BMPR1A: variants seen among roughly 807,000 people sequenced by gnomAD.
BMPR1A encodes bone morphogenetic protein receptor type 1A.
BMPR1A carries 7 observed loss-of-function variants against 66.0 expected under a neutral mutation model. The ratio of observed to expected loss-of-function variants is 0.11; its 90% confidence interval spans 0.06 to 0.20. BMPR1A has a LOEUF of 0.20. Ranked by LOEUF, BMPR1A falls within the 10% of genes least tolerant of loss-of-function variation. BMPR1A has a pLI of 1.00. For synonymous variants in BMPR1A, 200 were observed against 229.7 expected (o/e 0.87, Z 1.17); for missense variants, 408 against 669.1 (o/e 0.61, Z 4.31).
At chr10:86,858,872 G>A (rs547572492) in intron 2 of BMPR1A, among the ~76,000 whole-genome samples, 1 of 152,214 alleles carries the variant, frequency 6.6e-6, no homozygotes, top group South Asian at 2.1e-4. Context: ...TAGATTCAAT[G>A]CAATCCCTAT....
At chr10:86,892,794 C>G (rs1188506820) in intron 5 of BMPR1A, among the ~76,000 whole-genome samples, 2 of 151,058 alleles carry the variant, frequency 1.3e-5, no homozygotes, top group East Asian at 1.9e-4. Flanking sequence ...GCCGGGGAGG[C>G]CAAGGTTGCA....
intron 1 of BMPR1A, among the ~76,000 whole-genome samples, chr10:86,828,964 A>G (rs914023548): frequency 8.5e-5 from 13 of 152,176 alleles, no homozygotes; most frequent in Non-Finnish European, 1.3e-4. Context: ...TTGCAAAAGA[A>G]CATAGAGCTG....
intron 3 of BMPR1A, among the ~76,000 whole-genome samples, chr10:86,882,597 T>A (rs909476773): frequency 6.6e-6 from 1 of 150,716 alleles, no homozygotes; most frequent in South Asian, 2.1e-4. Flanking sequence ...TGGGGCTCAA[T>A]TTTTTTTTGG....
At chr10:86,826,848 A>G (rs1457804808) in intron 1 of BMPR1A, among the ~76,000 whole-genome samples, 1 of 152,128 alleles carries the variant, frequency 6.6e-6, no homozygotes, top group African/African-American at 2.4e-5. Context: ...AAAGTGCTAT[A>G]ATAGACATTT....
intron 1 of BMPR1A, among the ~76,000 whole-genome samples, chr10:86,788,767 C>T (rs956199725): frequency 2.4e-4 from 37 of 152,020 alleles, no homozygotes; most frequent in Middle Eastern, 6.8e-3. Context: ...GCACCATGCC[C>T]GGCTTATTTT....
chr10:86,851,564 G>A (rs59999531), intron 2 of BMPR1A, among the ~76,000 whole-genome samples: 6,249 of 152,228 alleles, frequency 0.041, 290 homozygotes, highest in African/African-American at 0.11. Flanking sequence ...TGATGTGTGC[G>A]GGGTGTACTG....
intron 1 of BMPR1A, among the ~76,000 whole-genome samples, chr10:86,782,744 T>G (rs1366216209): frequency 6.6e-6 from 1 of 152,086 alleles, no homozygotes; most frequent in Non-Finnish European, 1.5e-5. Context: ...TTTTTTATTC[T>G]GGATATTAAA....
At chr10:86,831,558 C>A (rs1842267752) in intron 1 of BMPR1A, among the ~76,000 whole-genome samples, 1 of 152,168 alleles carries the variant, frequency 6.6e-6, no homozygotes, top group Non-Finnish European at 1.5e-5. Flanking sequence ...GAATTTGAGA[C>A]CTGCCTGGGC....
chr10:86,877,883 C>T (rs1301555952), intron 3 of BMPR1A, among the ~76,000 whole-genome samples: 2 of 152,094 alleles, frequency 1.3e-5, no homozygotes, highest in Admixed American at 6.5e-5. Flanking sequence ...TCAGTCTTCG[C>T]CCCAGTTCAC....
intron 3 of BMPR1A, among the ~76,000 whole-genome samples, chr10:86,885,028 T>C (rs1843051706): frequency 6.6e-6 from 1 of 152,240 alleles, no homozygotes; most frequent in East Asian, 1.9e-4. Context: ...CTATGCTTTC[T>C]GGCCCTGCCG....
intron 2 of BMPR1A, among the ~76,000 whole-genome samples, chr10:86,846,531 T>C (rs1394605391): frequency 6.6e-6 from 1 of 152,146 alleles, no homozygotes; most frequent in Non-Finnish European, 1.5e-5. Flanking sequence ...ATTTCCTTTT[T>C]GGACCCTTTT....
chr10:86,914,555 T>C (rs532167742), intron 8 of BMPR1A, among the ~76,000 whole-genome samples: 6 of 152,186 alleles, frequency 3.9e-5, no homozygotes, highest in African/African-American at 1.4e-4. Context: ...TTTTAAAAAA[T>C]GGACAAAAGA....
At chr10:86,837,124 A>C (rs761153246) in intron 1 of BMPR1A, among the ~76,000 whole-genome samples, 2 of 152,182 alleles carry the variant, frequency 1.3e-5, no homozygotes, top group Non-Finnish European at 2.9e-5. Flanking sequence ...TTAGCCAAGG[A>C]AACAATGTTT....
chr10:86,827,114 A>T (rs1842206663), intron 1 of BMPR1A, among the ~76,000 whole-genome samples: 1 of 152,116 alleles, frequency 6.6e-6, no homozygotes, highest in Non-Finnish European at 1.5e-5. Context: ...TTCATCCCTC[A>T]AGACAATTAT....
intron 7 of BMPR1A, among the ~76,000 whole-genome samples, chr10:86,900,570 A>G (rs1843295438): frequency 6.6e-6 from 1 of 152,202 alleles, no homozygotes; most frequent in Non-Finnish European, 1.5e-5. Context: ...ATAATAAAAC[A>G]TCATACCAAC....
chr10:86,835,351 G>A (rs1407422392), intron 1 of BMPR1A, among the ~76,000 whole-genome samples: 4 of 150,274 alleles, frequency 2.7e-5, no homozygotes, highest in East Asian at 1.9e-4. Flanking sequence ...GGATCATGAG[G>A]TCAGGAGTTC....
chr10:86,870,329 T>A (rs1842839691), intron 2 of BMPR1A, among the ~76,000 whole-genome samples: 1 of 152,216 alleles, frequency 6.6e-6, no homozygotes, highest in Non-Finnish European at 1.5e-5. Context: ...TCATTCCCAT[T>A]TCAATAACTG....
rs12777504 is a variant in BMPR1A at position 86,875,681 on chromosome 10, A to G, written c.-152-186A>G. ...CTGAGGTCAGGAGAGGTTGCAGCCT[A>G]TTAACTAAATTATTTGAAGTTTGAA... On this transcript the variant is annotated intron_variant, in intron 2 of 12. Coordinates refer to ENST00000372037, the MANE Select transcript of BMPR1A (RefSeq NM_004329.3). 0.022 allele frequency among the ~76,000 whole-genome samples: 3,354 copies of G among 152,160 alleles called. 62 individuals are homozygous for G. Among genetic ancestry groups the G allele is most frequent in the Non-Finnish European group, 0.038 (2,604 of 67,986 alleles).
At chr10:86,798,021 G>C (rs1223386373) in intron 1 of BMPR1A, among the ~76,000 whole-genome samples, 12 of 152,106 alleles carry the variant, frequency 7.9e-5, no homozygotes, top group Non-Finnish European at 1.0e-4. Context: ...TCAAAACTTT[G>C]TCTATTTGCT....
Sources: allele counts gnomAD v4.1 joint callset (sites outside exome capture counted in the v4.1 genomes callset), GRCh38; gene constraint gnomAD v4.1.1; transcripts MANE v1.5; gene names NCBI Gene and HGNC (gene_info 2026-07-23, HGNC 2026-07-21).